Variants in NTM observed in about 807,000 individuals in gnomAD.
The protein encoded by NTM is IgLON family member 2.
In NTM, 13 loss-of-function variants were observed where a neutral mutation model predicts 42.1. The ratio of observed to expected loss-of-function variants is 0.31; its 90% CI spans 0.20 to 0.49. The LOEUF is 0.49. Among genes scored for constraint, NTM ranks in the 20% least tolerant of loss-of-function variants. The pLI is 0.99. For missense variants in NTM, 373 were observed against 452.8 expected (o/e 0.82, Z 1.60); for synonymous variants, 187 against 179.2 (o/e 1.04, Z -0.35).
intron 2 of NTM, among the ~76,000 whole-genome samples, chr11:132,024,040 G>A (rs1235481686): frequency 1.3e-5 from 2 of 151,732 alleles, no homozygotes; most frequent in Admixed American, 6.6e-5. Context: ...AGGAGGTCTC[G>A]ATCTCCTGAC....
At chr11:131,569,146 ATT>A (rs34930353) in intron 1 of NTM, among the ~76,000 whole-genome samples, 8 of 137,336 alleles carry the variant, frequency 5.8e-5, no homozygotes, top group African/African-American at 1.8e-4. Flanking sequence ...TTTCGTTTTC[ATT>A]TTTTTTTTTT....
intron 1 of NTM, among the ~76,000 whole-genome samples, chr11:131,649,070 C>T (rs117662201): frequency 1.6e-4 from 25 of 152,184 alleles, no homozygotes; most frequent in Middle Eastern, 3.4e-3. Context: ...GACAGGTGCA[C>T]GGGGGAAGGT....
At chr11:131,807,571 C>T (rs970909619) in intron 1 of NTM, among the ~76,000 whole-genome samples, 8 of 152,126 alleles carry the variant, frequency 5.3e-5, no homozygotes, top group East Asian at 1.9e-4. Context: ...AGTGCTAGAG[C>T]GCCCACTCAC....
chr11:132,136,441 T>C (rs751460751), intron 2 of NTM, among the ~76,000 whole-genome samples: 11 of 152,224 alleles, frequency 7.2e-5, no homozygotes, highest in Non-Finnish European at 1.2e-4. Context: ...CTAGTTGTAT[T>C]TGACCTTTCT....
chr11:131,659,224 T>G (rs1002275564), intron 1 of NTM, among the ~76,000 whole-genome samples: 3 of 152,192 alleles, frequency 2.0e-5, no homozygotes, highest in African/African-American at 4.8e-5. Context: ...CTCCCATGAG[T>G]GTGGCCTCAA....
intron 1 of NTM, among the ~76,000 whole-genome samples, chr11:131,633,940 T>C (rs1343120914): frequency 6.6e-6 from 1 of 152,070 alleles, no homozygotes; most frequent in Non-Finnish European, 1.5e-5. Context: ...TCATGGTATA[T>C]TACGCTCAGA....
chr11:131,565,757 C>T (rs2137040074), intron 1 of NTM, among the ~76,000 whole-genome samples: 1 of 152,310 alleles, frequency 6.6e-6, no homozygotes, highest in South Asian at 2.1e-4. Context: ...GGGGACTCTG[C>T]CCCGTGACTT....
At chr11:132,238,338 C>T (rs999474302) in intron 4 of NTM, among the ~76,000 whole-genome samples, 3 of 152,078 alleles carry the variant, frequency 2.0e-5, no homozygotes, top group South Asian at 2.1e-4. Context: ...GCAGAGGGCA[C>T]GCATCCTCTG....
Position 132,321,053 on chromosome 11 carries a change from A to AGAT in NTM, c.934+6351_934+6353dup, listed in dbSNP as rs1250641000. ...ATCACCATCATCAAAGACCAAAAGT[A>AGAT]GATAAAACCACAAAGATGGGGAAAA... On this transcript the variant is annotated intron_variant, in intron 7 of 8. Transcript: ENST00000683400. 3.3e-5 allele frequency among the ~76,000 whole-genome samples: 5 copies of AGAT among 151,842 alleles called. 1 individual carries two copies. The highest frequency in any genetic ancestry group is 5.9e-5 in the Non-Finnish European group (4 of 67,982).
intron 4 of NTM, among the ~76,000 whole-genome samples, chr11:132,249,924 G>T (rs1445079572): frequency 6.6e-6 from 1 of 152,140 alleles, no homozygotes; most frequent in Non-Finnish European, 1.5e-5. Context: ...TCTATTTTAA[G>T]ATATTGTTTT....
intron 1 of NTM, among the ~76,000 whole-genome samples, chr11:131,670,719 C>T (rs1273220335): frequency 1.3e-5 from 2 of 152,170 alleles, no homozygotes; most frequent in African/African-American, 4.8e-5. Context: ...TGCTCCTCTA[C>T]CCCACTGGGT....
intron 2 of NTM, among the ~76,000 whole-genome samples, chr11:132,043,336 C>A (rs1594053062): frequency 6.6e-6 from 1 of 152,272 alleles, no homozygotes; most frequent in Admixed American, 6.5e-5. Flanking sequence ...GCAAAATGAA[C>A]AATTCTAACC....
chr11:131,961,541 A>G (rs1253104464), intron 2 of NTM, among the ~76,000 whole-genome samples: 1 of 152,202 alleles, frequency 6.6e-6, no homozygotes, highest in African/African-American at 2.4e-5. Flanking sequence ...CTAGCACATG[A>G]CACAGGTTGG....
At chr11:132,042,055 C>T (rs1345407921) in intron 2 of NTM, among the ~76,000 whole-genome samples, 4 of 152,162 alleles carry the variant, frequency 2.6e-5, no homozygotes, top group Non-Finnish European at 5.9e-5. Flanking sequence ...TTCTATTGAA[C>T]TTGTTAAATT....
At chr11:131,819,659 G>A (rs986679402) in intron 1 of NTM, among the ~76,000 whole-genome samples, 1 of 152,150 alleles carries the variant, frequency 6.6e-6, no homozygotes, top group African/African-American at 2.4e-5. Context: ...GCATGCCCAT[G>A]AAAGCCTGCA....
intron 2 of NTM, among the ~76,000 whole-genome samples, chr11:131,991,097 G>C (rs1255239068): frequency 6.6e-6 from 1 of 152,166 alleles, no homozygotes; most frequent in Non-Finnish European, 1.5e-5. Context: ...ATGTACCATG[G>C]AGCAGATGCA....
intron 1 of NTM, among the ~76,000 whole-genome samples, chr11:131,530,246 A>C (rs1439123150): frequency 6.6e-6 from 1 of 152,150 alleles, no homozygotes; most frequent in Non-Finnish European, 1.5e-5. Context: ...TGAGTGCATG[A>C]ATGAAAGAAA....
chr11:132,085,494 T>A (rs769851949), intron 2 of NTM, among the ~76,000 whole-genome samples: 1 of 152,250 alleles, frequency 6.6e-6, no homozygotes, highest in Non-Finnish European at 1.5e-5. Flanking sequence ...ACCTAGTATC[T>A]GACCCGTATA....
At chr11:131,444,203 C>CAATAAAAAAAA (rs1949847199) in intron 1 of NTM, among the ~76,000 whole-genome samples, 1 of 49,504 alleles carries the variant, frequency 2.0e-5, no homozygotes, top group Non-Finnish European at 3.6e-5. Flanking sequence ...AGGTTAGAAC[C>CAATAAAAAAAA]AAAAAAAAAA....
Sources: gnomAD v4.1 joint callset for allele counts (sites outside exome capture counted in the v4.1 genomes callset) on GRCh38, gnomAD v4.1.1 for gene constraint, MANE v1.5 for transcripts, NCBI Gene and HGNC (gene_info 2026-07-23, HGNC 2026-07-21) for gene names.